FOXN3: variants seen among roughly 807,000 people sequenced by gnomAD.
FOXN3 encodes forkhead box protein N3.
A neutral mutation model predicts 38.4 loss-of-function variants in FOXN3; 7 were observed. The ratio of observed to expected loss-of-function variants is 0.18; its 90% CI spans 0.10 to 0.34. FOXN3 has a LOEUF of 0.34. FOXN3 is among the 10% of genes least tolerant of loss of function. FOXN3 has a pLI of 1.00. For synonymous variants in FOXN3, 230 were observed against 242.2 expected (o/e 0.95, Z 0.47); for missense variants, 456 against 613.4 (o/e 0.74, Z 2.71).
rs1280611203 is a variant in FOXN3, at chr14:89,157,289, C to A, written c.*5125G>T. On this transcript the variant is annotated 3_prime_UTR_variant, in exon 6 of 6. Coordinates refer to ENST00000557258, the MANE Select transcript of FOXN3 (RefSeq NM_005197.4). Reference sequence around the variant, plus strand: ...CGTTTTAAAAACTGTGTTTTCCTTCCTTAATTTTTGGTCAGTGAAGCTAGC... The same window carrying A: ...CGTTTTAAAAACTGTGTTTTCCTTCATTAATTTTTGGTCAGTGAAGCTAGC... The A allele has an allele frequency of 6.6e-6, 1 of 152,584 alleles. No individual in the cohort carries two copies. The highest frequency in any genetic ancestry group is 1.9e-4 in the East Asian group (1 of 5,200). The allele number at this position is 152,584 out of a possible 1,614,324, so 9.5% of individuals were successfully genotyped here. A position where few individuals can be genotyped will look rare whatever the true frequency, so the allele number is the denominator to read the frequency against.
rs55856005 is a variant in FOXN3, at chr14:89,298,472, TAAA to T, written c.681-17461_681-17459del. On this transcript the variant is annotated intron_variant, in intron 3 of 5. Transcript: ENST00000557258. ...GTGATAGAGGGAGACTCCGTCTATT[TAAA>T]AAAAAAAAAAAAAAAAAGGCTGGAT... 6.5e-4 allele frequency among the ~76,000 whole-genome samples: 80 copies of T among 123,550 alleles called. 1 individual carries two copies. The highest frequency in any genetic ancestry group is 1.9e-3 in the African/African-American group (64 of 33,084). 81.1% of individuals were successfully genotyped at this position (123,550 alleles called of 152,430 possible).
intron 3 of FOXN3, among the ~76,000 whole-genome samples, chr14:89,301,992 T>G (rs1298918152): frequency 6.6e-6 from 1 of 152,124 alleles, no homozygotes; most frequent in African/African-American, 2.4e-5. Context: ...TGTGACTCTC[T>G]GCTGTTCGCA....
intron 1 of FOXN3, among the ~76,000 whole-genome samples, chr14:89,452,003 A>G (rs771952449): frequency 1.3e-5 from 2 of 152,104 alleles, no homozygotes; most frequent in Non-Finnish European, 2.9e-5. Flanking sequence ...TCAGGGAGTA[A>G]GAAGGAACCA....
Position 89,434,435 on chromosome 14 carries a change from G to C in FOXN3, c.-14-21945C>G, listed in dbSNP as rs10138773. Reference sequence around the variant, plus strand: ...AGTAAAGACAGTGTTTCACTGTGCTGGTCAAGCTGGTCTTGAACTTGTGAC... The same window carrying C: ...AGTAAAGACAGTGTTTCACTGTGCTCGTCAAGCTGGTCTTGAACTTGTGAC... On this transcript the variant is annotated intron_variant, in intron 1 of 6. Transcript: ENST00000345097. 2.7e-3 allele frequency among the ~76,000 whole-genome samples: 409 copies of C among 151,930 alleles called. 2 individuals are homozygous for C. Among genetic ancestry groups the C allele is most frequent in the African/African-American group, 9.1e-3 (378 of 41,430 alleles).
chr14:89,353,799 G>A (rs1215343799), intron 2 of FOXN3: 9 of 151,908 alleles, frequency 5.9e-5, no homozygotes, highest in South Asian at 2.1e-4. Context: ...ATGTGATATC[G>A]GCTCACTGCA....
chr14:89,412,136 T>C lies in FOXN3; in HGVS notation c.341A>G (p.Lys114Arg). The change falls in exon 2 of 6, where the codon AAA (lysine) becomes AGA (arginine). Residue 114 changes from lysine (K) to arginine (R), a missense_variant. This residue lies in a region of FOXN3 where 386 missense variants were observed against 505.2 expected (regional missense o/e 0.76). Transcript: ENST00000557258. The surrounding 1 kb of genome is among the most constrained non-coding windows in gnomAD (Gnocchi z 4.7). ...PYDARQNPNC[K>R]PPYSFSCLIF... ...GAGGCAGCTGAAGGAGTAGGGGGGT[T>C]TGCAGTTGGGGTTCTGCCTGGCATC... 6.2e-7 allele frequency: 1 copy of C among 1,611,374 alleles called. No individual in the cohort carries two copies. Among genetic ancestry groups the C allele is most frequent in the African/African-American group, 1.3e-5 (1 of 74,874 alleles).
At chr14:89,338,078 C>A (rs1888516763) in intron 3 of FOXN3, among the ~76,000 whole-genome samples, 1 of 152,142 alleles carries the variant, frequency 6.6e-6, no homozygotes, top group South Asian at 2.1e-4. Context: ...AACAGTCTGG[C>A]CTCGTGCATA....
chr14:89,383,585 G>A (rs1483716502), intron 2 of FOXN3, among the ~76,000 whole-genome samples: 2 of 152,096 alleles, frequency 1.3e-5, no homozygotes, highest in Non-Finnish European at 1.5e-5. Flanking sequence ...GGCTTCTGGC[G>A]GCCCCCGGCC....
At chr14:89,219,546 G>A (rs187639461) in intron 4 of FOXN3, among the ~76,000 whole-genome samples, 209 of 152,270 alleles carry the variant, frequency 1.4e-3, no homozygotes, top group African/African-American at 4.8e-3. Flanking sequence ...CGTGTTCCCC[G>A]AGAGCATGGC....
chr14:89,283,922 G>A (rs144296887), intron 3 of FOXN3, among the ~76,000 whole-genome samples: 12 of 152,224 alleles, frequency 7.9e-5, no homozygotes, highest in African/African-American at 2.6e-4. Flanking sequence ...GTGCAGTGGT[G>A]CGATCTCAGC....
At chr14:89,343,779 T>TTTTGAGA (rs1368848121) in intron 3 of FOXN3, among the ~76,000 whole-genome samples, 1 of 151,760 alleles carries the variant, frequency 6.6e-6, no homozygotes, top group Non-Finnish European at 1.5e-5. Context: ...GGTTTGTTTG[T>TTTTGAGA]TTTGAGACAG....
Position 89,485,512 on chromosome 14 carries a change from T to G in FOXN3, c.-14-73022A>C, listed in dbSNP as rs1387122554. Among the ~76,000 whole-genome samples the G allele has an allele frequency of 2.6e-5, 4 of 152,088 alleles. No homozygotes were observed. The East Asian group carries it at 7.7e-4, about 29-fold the overall frequency. On this transcript the variant is annotated intron_variant, in intron 1 of 6. Coordinates refer to the FOXN3 transcript ENST00000345097. ...ACAAGCCCCAAAGGCCAGACAGAGC[T>G]CAGAGGGGAGGATGGCAGGTGTGTG...
chr14:89,607,466 G>A (rs984134350), intron 1 of FOXN3, among the ~76,000 whole-genome samples: 1 of 151,864 alleles, frequency 6.6e-6, no homozygotes, highest in Non-Finnish European at 1.5e-5. Flanking sequence ...GGCTGAGGCA[G>A]GAGAATCGCT....
At position 89,158,642 on chromosome 14, in the gene FOXN3, T is replaced by A. The variant is rs1882745459; in HGVS notation, c.*3772A>T. 6.6e-6 allele frequency: 1 copy of A among 152,572 alleles called. No individual in the cohort carries two copies. The highest frequency in any genetic ancestry group is 2.4e-5 in the African/African-American group (1 of 41,416). The allele number at this position is 152,572 out of a possible 1,614,324, so 9.5% of individuals were successfully genotyped here. Reference sequence around the variant, plus strand: ...TTATAAGGCTGGGAAAAATCTATGATGCAAACCCTTTCCACATAGTACTAG... The same window carrying A: ...TTATAAGGCTGGGAAAAATCTATGAAGCAAACCCTTTCCACATAGTACTAG... On this transcript the variant is annotated 3_prime_UTR_variant, in exon 6 of 6. Transcript: ENST00000557258.
At chr14:89,338,063 G>A (rs1164871265) in intron 3 of FOXN3, among the ~76,000 whole-genome samples, 1 of 152,172 alleles carries the variant, frequency 6.6e-6, no homozygotes, top group Non-Finnish European at 1.5e-5. Context: ...GAATGACCAG[G>A]TCCAAACAGT....
intron 3 of FOXN3, among the ~76,000 whole-genome samples, chr14:89,286,203 G>C (rs957449647): frequency 1.3e-5 from 2 of 152,028 alleles, no homozygotes; most frequent in African/African-American, 4.8e-5. Flanking sequence ...AGGGAAGAAG[G>C]GAGGGGGAGG....
At chr14:89,542,856 T>C (rs909485267) in intron 1 of FOXN3, among the ~76,000 whole-genome samples, 6 of 152,212 alleles carry the variant, frequency 3.9e-5, no homozygotes, top group Non-Finnish European at 7.3e-5. Context: ...TAAAATTGCA[T>C]TTCAGCAGTG....
chr14:89,427,301 C>CTTTTTTTTTTT (rs34755821), intron 1 of FOXN3, among the ~76,000 whole-genome samples: 3 of 67,744 alleles, frequency 4.4e-5, no homozygotes, highest in Non-Finnish European at 2.5e-5. Flanking sequence ...GAAAAGGGGA[C>CTTTTTTTTTTT]TTTTTTTTTT....
intron 2 of FOXN3, among the ~76,000 whole-genome samples, chr14:89,395,035 A>G (rs1287706743): frequency 6.6e-6 from 1 of 152,202 alleles, no homozygotes; most frequent in Admixed American, 6.5e-5. Context: ...CACTTCCCCA[A>G]AGCCTTTTGG....
Sources: gnomAD v4.1 joint callset for allele counts (sites outside exome capture counted in the v4.1 genomes callset) on GRCh38, gnomAD v4.1.1 for gene constraint, gnomAD v4.1.1 regional missense constraint, Gnocchi (gnomAD v3.1) non-coding constraint, MANE v1.5 for transcripts, NCBI Gene and HGNC (gene_info 2026-07-23, HGNC 2026-07-21) for gene names.